Variants in ST6GAL1 observed in about 807,000 individuals in gnomAD.
The protein encoded by ST6GAL1 is beta-galactoside alpha-2,6-sialyltransferase 1.
In ST6GAL1, 20 loss-of-function variants were observed where a neutral mutation model predicts 38.0. The observed-to-expected ratio is 0.53, with a 90% CI of 0.37 to 0.77. ST6GAL1 has a LOEUF of 0.77. Ranked by LOEUF, ST6GAL1 falls within the 30% of genes least tolerant of loss-of-function variation. The probability of loss-of-function intolerance (pLI) is 0.00; values close to 1 mark genes in which losing one functional copy is unlikely to be tolerated. For missense variants in ST6GAL1, 432 were observed against 496.4 expected (o/e 0.87, Z 1.23); for synonymous variants, 196 against 188.2 (o/e 1.04, Z -0.34).
At chr3:187,064,613 T>C in intron 5 of ST6GAL1, 1 of 456,700 alleles carries the variant, frequency 2.2e-6, no homozygotes, top group Non-Finnish European at 4.4e-6. Flanking sequence ...CTGCTGCTTC[T>C]TAGGCAAGTC....
chr3:186,999,269 A>T (rs1192867318), intron 2 of ST6GAL1, among the ~76,000 whole-genome samples: 1 of 152,206 alleles, frequency 6.6e-6, no homozygotes, highest in Admixed American at 6.5e-5. Context: ...TCAAGGTGAT[A>T]ATGCATAGGA....
chr3:186,942,702 G>A (rs751851168), intron 1 of ST6GAL1, among the ~76,000 whole-genome samples: 2 of 152,146 alleles, frequency 1.3e-5, no homozygotes, highest in East Asian at 3.8e-4. Context: ...GGCTTTTGCT[G>A]TGTGCCTGGC....
chr3:187,008,955 G>C (rs1716870526), intron 2 of ST6GAL1, among the ~76,000 whole-genome samples: 1 of 152,044 alleles, frequency 6.6e-6, no homozygotes, highest in East Asian at 1.9e-4. Flanking sequence ...TGCATGGACT[G>C]AAGTCAAACT....
rs199590801 is a variant in ST6GAL1, at chr3:187,068,456, CTATTTCTT to C, written c.706-4390_706-4383del. ...ACAAGTTACTTAGCATTTAGCATCT[CTATTTCTT>C]TAATCATAAAATGAACATATTAACA... On this transcript the variant is annotated intron_variant, in intron 5 of 7. Coordinates refer to ENST00000169298, the MANE Select transcript of ST6GAL1 (RefSeq NM_173216.2). Among the ~76,000 whole-genome samples the C allele has an allele frequency of 6.5e-3, 993 of 152,252 alleles. 15 individuals are homozygous for C. The highest frequency in any genetic ancestry group is 0.023 in the African/African-American group (970 of 41,538).
chr3:186,960,602 A>T (rs1714900029), intron 1 of ST6GAL1, among the ~76,000 whole-genome samples: 1 of 152,052 alleles, frequency 6.6e-6, no homozygotes, highest in African/African-American at 2.4e-5. Context: ...GGACCCTATG[A>T]TCAGCTGAAT....
chr3:187,025,701 T>C (rs182394460), intron 2 of ST6GAL1, among the ~76,000 whole-genome samples: 22 of 152,246 alleles, frequency 1.4e-4, no homozygotes, highest in Admixed American at 1.4e-3. Context: ...GTGAAGACAG[T>C]AGCAAATGGC....
chr3:186,972,815 C>G (rs1314225553), intron 2 of ST6GAL1, among the ~76,000 whole-genome samples: 2 of 152,102 alleles, frequency 1.3e-5, no homozygotes, highest in African/African-American at 4.8e-5. Context: ...TGGTGTCTCC[C>G]CTTAGGAGCA....
intron 5 of ST6GAL1, among the ~76,000 whole-genome samples, chr3:187,067,156 G>A (rs1335127667): frequency 8.0e-6 from 1 of 125,614 alleles, no homozygotes; most frequent in African/African-American, 3.0e-5. Context: ...GTGCGATCTT[G>A]GCTCACTGCA....
chr3:187,073,272 G>A, intron 6 of ST6GAL1: 1 of 247,650 alleles, frequency 4.0e-6, no homozygotes, highest in Non-Finnish European at 8.0e-6. Flanking sequence ...GAACTCGAGA[G>A]TAGTTGCCGT....
At chr3:187,024,379 C>A (rs1717441873) in intron 2 of ST6GAL1, among the ~76,000 whole-genome samples, 1 of 151,168 alleles carries the variant, frequency 6.6e-6, no homozygotes, top group South Asian at 2.1e-4. Context: ...AGGCATGAGC[C>A]ACCGCGCCCA....
At chr3:187,051,391 G>T in intron 5 of ST6GAL1, 45 bp downstream of exon 5, 1 of 1,567,500 alleles carries the variant, frequency 6.4e-7, no homozygotes, top group Non-Finnish European at 8.8e-7. Flanking sequence ...AAGGACCACA[G>T]TGTGGGCTCT....
intron 2 of ST6GAL1, among the ~76,000 whole-genome samples, chr3:187,005,514 A>G (rs1716759068): frequency 6.6e-6 from 1 of 151,830 alleles, no homozygotes; most frequent in African/African-American, 2.4e-5. Context: ...TGACCTCGTG[A>G]TCTGCCCGCC....
intron 1 of ST6GAL1, among the ~76,000 whole-genome samples, chr3:186,939,792 A>G (rs983577462): frequency 5.9e-5 from 9 of 152,034 alleles, no homozygotes; most frequent in African/African-American, 1.9e-4. Context: ...GACACACACA[A>G]CGCCCCATGC....
In ST6GAL1 at chr3:186,953,571, G is replaced by A. The variant is rs142440447; in HGVS notation, c.-324-10214G>A. ...TCCTTCCTTGTTGCTGTTCAATAGC[G>A]TAGGTGGCCATCTGAGTTACTACCC... On this transcript the variant is annotated intron_variant, in intron 1 of 7. Transcript: ENST00000169298. Among the ~76,000 whole-genome samples the A allele has an allele frequency of 6.6e-5, 10 of 152,218 alleles. No individual in the cohort carries two copies. The East Asian group carries it at 1.7e-3, about 26-fold the overall frequency.
chr3:187,026,841 C>T (rs1463060160), intron 2 of ST6GAL1, among the ~76,000 whole-genome samples: 3 of 152,182 alleles, frequency 2.0e-5, no homozygotes, highest in East Asian at 3.9e-4. Context: ...GTCAGGAGAT[C>T]GAGACCATCC....
intron 2 of ST6GAL1, among the ~76,000 whole-genome samples, chr3:187,025,017 G>C (rs1717481968): frequency 6.6e-6 from 1 of 151,472 alleles, no homozygotes; most frequent in Non-Finnish European, 1.5e-5. Context: ...GTGTGTGTGT[G>C]TGTCTGTGTG....
chr3:187,041,079 GTC>G (rs60776371), intron 3 of ST6GAL1, among the ~76,000 whole-genome samples: 4,859 of 152,246 alleles, frequency 0.032, 295 homozygotes, highest in African/African-American at 0.11. Flanking sequence ...CTGCTCTCCT[GTC>G]TCTGTTCAGA....
At position 187,071,710 on chromosome 3, in the gene ST6GAL1, A is replaced by G. The variant is rs1243825534; in HGVS notation, c.706-1139A>G. Among the ~76,000 whole-genome samples the G allele has an allele frequency of 6.1e-5, 9 of 147,726 alleles. No homozygotes were observed. In the South Asian group the frequency reaches 1.1e-3, roughly 18 times the overall value. On this transcript the variant is annotated intron_variant, in intron 5 of 7. Transcript: ENST00000169298. The stretch of plus-strand genomic sequence containing the variant: ...GGGAGGCGGAGCCTGCAGTGAGCCG[A>G]GATCACGCCACTGCACTCCAGCCTG...
intron 1 of ST6GAL1, among the ~76,000 whole-genome samples, chr3:186,934,400 T>C (rs963376736): frequency 1.3e-5 from 2 of 151,710 alleles, no homozygotes; most frequent in African/African-American, 4.8e-5. Context: ...CTACAAAAAA[T>C]AAAAGAACAA....
Sources: allele counts gnomAD v4.1 joint callset (sites outside exome capture counted in the v4.1 genomes callset), GRCh38; gene constraint gnomAD v4.1.1; transcripts MANE v1.5; gene names NCBI Gene and HGNC (gene_info 2026-07-23, HGNC 2026-07-21).